Variants in RMRP observed in about 807,000 individuals in gnomAD.
RMRP encodes the protein RNase MRP RNA.
downstream of RMRP, chr9:35,657,750 A>G (rs555390900): frequency 7.9e-5 from 54 of 683,168 alleles, no homozygotes; most frequent in South Asian, 1.1e-4. Context: ...GGGAACAAAA[A>G]ACAGCCGCGC....
rs549085067 is a variant in RMRP, at chr9:35,657,983, G to C, written n.35C>G. ...GGAAAGGGGAGGAACAGAGTCCTCA[G>C]TGTGTAGCCTAGGATACAGGCCTTC... is the stretch of plus-strand genomic sequence containing the variant. On this transcript the variant is annotated non_coding_transcript_exon_variant, in exon 1 of 1. Transcript: ENST00000363046. The C allele has an allele frequency of 1.1e-5, 8 of 700,436 alleles. No homozygotes were observed. Among genetic ancestry groups the C allele is most frequent in the East Asian group, 5.4e-5 (2 of 37,290 alleles). The allele number at this position is 700,436 out of a possible 1,614,324, so 43.4% of individuals were successfully genotyped here. A position where few individuals can be genotyped will look rare whatever the true frequency, so the allele number is the denominator to read the frequency against.
exon 1 of RMRP, chr9:35,657,988 T>A (rs565700776): frequency 5.7e-6 from 4 of 699,534 alleles, no homozygotes; most frequent in South Asian, 4.4e-5. Context: ...CCTCAGTGTG[T>A]AGCCTAGGAT....
exon 1 of RMRP, chr9:35,657,948 T>TC (rs312262896): frequency 5.7e-6 from 4 of 700,296 alleles, no homozygotes; most frequent in South Asian, 1.5e-5. Context: ...CCGGGGACTT[T>TC]CCCCTAGGCG....
At position 35,657,960 on chromosome 9, in the gene RMRP, A is replaced by AT. The variant is rs1053360711; in HGVS notation, n.57_58insA. ...GGTCCGGGGACTTTCCCCTAGGCGG[A>AT]AAGGGGAGGAACAGAGTCCTCAGTG... is the stretch of plus-strand genomic sequence containing the variant. On this transcript the variant is annotated non_coding_transcript_exon_variant, in exon 1 of 1. Transcript: ENST00000363046. 2.9e-4 allele frequency: 206 copies of AT among 700,316 alleles called. 1 individual carries two copies. The highest frequency in any genetic ancestry group is 4.9e-4 in the Non-Finnish European group (188 of 384,818). 43.4% of individuals were successfully genotyped at this position (700,316 alleles called of 1,614,324 possible). A position where few individuals can be genotyped will look rare whatever the true frequency, so the allele number is the denominator to read the frequency against.
exon 1 of RMRP, chr9:35,657,938 C>G: frequency 1.4e-6 from 1 of 700,444 alleles, no homozygotes. Context: ...TGCCCGAGGT[C>G]CGGGGACTTT....
exon 1 of RMRP, chr9:35,657,932 C>G (rs572893111): frequency 7.1e-6 from 5 of 700,292 alleles, no homozygotes; most frequent in African/African-American, 5.2e-5. Context: ...ACTCTCTGCC[C>G]GAGGTCCGGG....
At chr9:35,657,780 G>C in exon 1 of RMRP, 1 of 697,160 alleles carries the variant, frequency 1.4e-6, no homozygotes, top group Non-Finnish European at 2.6e-6. Flanking sequence ...GCCCCGTGTG[G>C]TTGGTGCGCG....
rs752709977 is a variant in RMRP, at chr9:35,657,864, C to A, written n.154G>T. ...GCGCCACGCCGCTCAGCGGGATACG[C>A]TTCTTGGCGGACTTTGGAGTGGGAA... On this transcript the variant is annotated non_coding_transcript_exon_variant, in exon 1 of 1. Coordinates refer to ENST00000363046, the Ensembl canonical transcript of RMRP. 7 of 692,950 alleles carry A rather than the reference C, an allele frequency of 1.0e-5. No individual in the cohort carries two copies. Among genetic ancestry groups the A allele is most frequent in the Non-Finnish European group, 1.8e-5 (7 of 384,628 alleles). 42.9% of individuals were successfully genotyped at this position (692,950 alleles called of 1,614,324 possible).
chr9:35,657,806 C>T lies in RMRP; in HGVS notation n.212G>A, dbSNP rs145720742. On this transcript the variant is annotated non_coding_transcript_exon_variant, in exon 1 of 1. Transcript: ENST00000363046. ...TTGGTGCGCGGACACGCACTGCCTGCGTAACTAGAGGGAGCTGACGGATGA... is the reference window on the plus strand; with the variant it reads ...TTGGTGCGCGGACACGCACTGCCTGTGTAACTAGAGGGAGCTGACGGATGA... 3.9e-5 allele frequency: 27 copies of T among 692,210 alleles called. No individual in the cohort carries two copies. Among genetic ancestry groups the T allele is most frequent in the Middle Eastern group, 3.7e-4 (1 of 2,728 alleles). 42.9% of individuals were successfully genotyped at this position (692,210 alleles called of 1,614,324 possible). A position where few individuals can be genotyped will look rare whatever the true frequency, so the allele number is the denominator to read the frequency against.
rs931636767 is a variant in RMRP at position 35,658,011 on chromosome 9, C to T, written n.7G>A. On this transcript the variant is annotated non_coding_transcript_exon_variant, in exon 1 of 1. Transcript: ENST00000363046. ...TGTAGCCTAGGATACAGGCCTTCAGCACGAACCACGTCCTCAGCTTCACAG... is the reference window on the plus strand; with the variant it reads ...TGTAGCCTAGGATACAGGCCTTCAGTACGAACCACGTCCTCAGCTTCACAG... 3 of 692,388 alleles carry T rather than the reference C, an allele frequency of 4.3e-6. No individual in the cohort carries two copies. The highest frequency in any genetic ancestry group is 3.0e-5 in the South Asian group (2 of 67,224). 42.9% of individuals were successfully genotyped at this position (692,388 alleles called of 1,614,324 possible).
Position 35,657,894 on chromosome 9 carries a change from G to C in RMRP, n.124C>G, listed in dbSNP as rs938089991. 1.4e-5 allele frequency: 10 copies of C among 697,184 alleles called. No homozygotes were observed. Among genetic ancestry groups the C allele is most frequent in the Admixed American group, 2.0e-5 (1 of 49,780 alleles). 43.2% of individuals were successfully genotyped at this position (697,184 alleles called of 1,614,324 possible). The stretch of plus-strand genomic sequence containing the variant: ...TGGCGGACTTTGGAGTGGGAAGCGG[G>C]GAATGTCTACGTGCGTATGCACGTG... On this transcript the variant is annotated non_coding_transcript_exon_variant, in exon 1 of 1. Coordinates refer to ENST00000363046, the Ensembl canonical transcript of RMRP.
chr9:35,657,854 GCGGGATA>G, exon 1 of RMRP: 1 of 700,480 alleles, frequency 1.4e-6, no homozygotes, highest in Non-Finnish European at 2.6e-6. Context: ...ACGCCGCTCA[GCGGGATA>G]CGCTTCTTGG....
rs759632477 is a variant in RMRP, at chr9:35,657,874, G to A, written n.144C>T. 41 of 694,148 alleles carry A rather than the reference G, an allele frequency of 5.9e-5. No homozygotes were observed. The highest frequency in any genetic ancestry group is 8.1e-5 in the Non-Finnish European group (31 of 384,644). 43.0% of individuals were successfully genotyped at this position (694,148 alleles called of 1,614,324 possible). ...GCTCAGCGGGATACGCTTCTTGGCG[G>A]ACTTTGGAGTGGGAAGCGGGGAATG... On this transcript the variant is annotated non_coding_transcript_exon_variant, in exon 1 of 1. Transcript: ENST00000363046.
chr9:35,657,908 C>CGTAT, exon 1 of RMRP: 1 of 700,454 alleles, frequency 1.4e-6, no homozygotes, highest in South Asian at 1.5e-5. Flanking sequence ...TGTCTACGTG[C>CGTAT]GTATGCACGT....
At chr9:35,657,969 GA>G in exon 1 of RMRP, 1 of 700,450 alleles carries the variant, frequency 1.4e-6, no homozygotes, top group Non-Finnish European at 2.6e-6. Flanking sequence ...GAAAGGGGAG[GA>G]ACAGAGTCCT....
In RMRP at chr9:35,657,777, GTGGT is replaced by G. The variant is rs1554651108; in HGVS notation, n.237_240del. ...CAGCCGCGCTGAGAATGAGCCCCGT[GTGGT>G]TGGTGCGCGGACACGCACTGCCTGC... On this transcript the variant is annotated non_coding_transcript_exon_variant, in exon 1 of 1. Coordinates refer to ENST00000363046, the Ensembl canonical transcript of RMRP. 1.4e-6 allele frequency: 1 copy of G among 696,966 alleles called. No individual in the cohort carries two copies. Among genetic ancestry groups the G allele is most frequent in the South Asian group, 1.5e-5 (1 of 67,462 alleles). 43.2% of individuals were successfully genotyped at this position (696,966 alleles called of 1,614,324 possible).
exon 1 of RMRP, chr9:35,657,988 T>G (rs565700776): frequency 1.4e-6 from 1 of 699,652 alleles, no homozygotes; most frequent in Non-Finnish European, 2.6e-6. Context: ...CCTCAGTGTG[T>G]AGCCTAGGAT....
At chr9:35,657,933 G>T (rs545284014) in exon 1 of RMRP, 2 of 700,338 alleles carry the variant, frequency 2.9e-6, no homozygotes, top group African/African-American at 3.5e-5. Flanking sequence ...CTCTCTGCCC[G>T]AGGTCCGGGG....
chr9:35,657,779 G>C (rs187324737), exon 1 of RMRP: 4 of 696,928 alleles, frequency 5.7e-6, no homozygotes, highest in East Asian at 5.4e-5. Context: ...AGCCCCGTGT[G>C]GTTGGTGCGC....
Sources: allele counts gnomAD v4.1 joint callset, GRCh38; gene constraint gnomAD v4.1.1; transcripts MANE v1.5; gene names NCBI Gene and HGNC (gene_info 2026-07-23, HGNC 2026-07-21).